Variants in ADAM15 observed in about 807,000 individuals in gnomAD.
ADAM15 encodes the protein ADAM metallopeptidase domain 15.
Under a neutral mutation model 113.8 loss-of-function variants are expected in ADAM15, and 77 were observed. That is an observed-to-expected ratio of 0.68 (90% CI 0.56 to 0.82). ADAM15 has a LOEUF of 0.82. ADAM15 is among the 40% of genes least tolerant of loss of function. The pLI is 0.00. For missense variants in ADAM15, 963 were observed against 1,120.1 expected, an observed-to-expected ratio of 0.86 and a Z score of 2.00; for synonymous variants, 388 against 454.1, an observed-to-expected ratio of 0.85 and a Z score of 1.85.
Position 155,058,777 on chromosome 1 carries a change from A to T in ADAM15, c.1985A>T (p.His662Leu), listed in dbSNP as rs1662137608. Reference protein sequence around the residue: ...LGAQECRSKCHGHGVCDSNRH... With the variant: ...LGAQECRSKCLGHGVCDSNRH... ...GCACAGGAATGTCGAAGCAAATGCC[A>T]TGGACATGGGGTGAGCTGGGATGGG... is the stretch of plus-strand genomic sequence containing the variant. The change falls in exon 16 of 23, where the codon CAT (histidine) becomes CTT (leucine). Residue 662 changes from histidine to leucine, a missense_variant. Physicochemically the swap from His to Leu is moderately conservative, Grantham distance 99 (BLOSUM62 -3). Transcript: ENST00000356955. This position sits in a 1 kb window ranked among gnomAD's most constrained non-coding sequence, Gnocchi z 4.3. 6.2e-7 allele frequency: 1 copy of T among 1,612,944 alleles called. No homozygotes were observed. Among genetic ancestry groups the T allele is most frequent in the Non-Finnish European group, 8.5e-7 (1 of 1,179,498 alleles).
rs752464548 is a variant in ADAM15 at position 155,052,715 on chromosome 1, G to A, written c.124G>A (p.Glu42Lys). 1.9e-6 allele frequency: 3 copies of A among 1,612,158 alleles called. No homozygotes were observed. The highest frequency in any genetic ancestry group is 4.5e-5 in the East Asian group (2 of 44,868). The stretch of plus-strand genomic sequence containing the variant: ...GGCAGAGTCAGAGAAGGCCCCGAGG[G>A]AGCCCTTGGAGCCCCAGGTCCTTCA... The part of the protein sequence containing the change: ...QQAESEKAPR[E>K]PLEPQVLQDD... The change falls in exon 2 of 23, where the codon GAG becomes AAG. Residue 42 changes from glutamate to lysine, a missense_variant. Transcript: ENST00000356955.
intron 19 of ADAM15, chr1:155,061,046 A>C: frequency 5.0e-6 from 3 of 596,280 alleles, no homozygotes; most frequent in Non-Finnish European, 8.9e-6. Flanking sequence ...CAGCTGGAGC[A>C]GGAGCTGCTG....
chr1:155,060,741 T>G, intron 18 of ADAM15, 22 bp from the exon 19 acceptor site: 1 of 1,612,300 alleles, frequency 6.2e-7, no homozygotes, highest in South Asian at 1.1e-5. Context: ...CCCTCTCCCT[T>G]CTTGCCTTTC....
chr1:155,057,288 C>T lies in ADAM15; in HGVS notation c.1249C>T (p.Leu417=), dbSNP rs1298940371. Residue 417 remains leucine, a synonymous_variant, in exon 12 of 23, where the codon CTA becomes TTA. Transcript: ENST00000356955. The surrounding 1 kb of genome is among the most constrained non-coding windows in gnomAD (Gnocchi z 5.0). ...GSCLFERLPS[L]PPMAAFCGNM... ...CTGCCTCTTCGAACGGCTGCCTAGCCTACCCCCTATGGCTGCTTTCTGCGG... is the reference window on the plus strand; with the variant it reads ...CTGCCTCTTCGAACGGCTGCCTAGCTTACCCCCTATGGCTGCTTTCTGCGG... 3 of 1,614,114 alleles carry T rather than the reference C, an allele frequency of 1.9e-6. No individual in the cohort carries two copies. Among genetic ancestry groups the T allele is most frequent in the Non-Finnish European group, 2.5e-6 (3 of 1,180,040 alleles).
chr1:155,054,449 A>G lies in ADAM15; in HGVS notation c.555A>G (p.Glu185=). 1.2e-6 allele frequency: 2 copies of G among 1,612,568 alleles called. No individual in the cohort carries two copies. The highest frequency in any genetic ancestry group is 1.7e-6 in the Non-Finnish European group (2 of 1,179,312). Residue 185 remains glutamate (E), a synonymous_variant, in exon 6 of 23, where the codon GAA becomes GAG. Transcript: ENST00000356955. ...PGHTCALSWR[E]SVHTQKPPEH... ...ACACCTGTGCCCTGAGCTGGCGGGA[A>G]TCTGTACACACTCAGAAGCCACCAG... is the stretch of plus-strand genomic sequence containing the variant.
In ADAM15 at chr1:155,051,436, C is replaced by G; in HGVS notation, c.50C>G (p.Pro17Arg). 6.4e-7 allele frequency: 1 copy of G among 1,567,780 alleles called. No individual in the cohort carries two copies. The highest frequency in any genetic ancestry group is 1.2e-5 in the South Asian group (1 of 85,624). Residue 17 changes from proline to arginine, a missense_variant, in exon 1 of 23, where the codon CCT becomes CGT. Transcript: ENST00000356955. ...WALGLLGAGS[P>R]LPSWPLPNIG... ...CTGGGGCTCCTGGGCGCGGGCAGCC[C>G]TCTGCCTTCCTGGCCGCTCCCAAAT...
rs1662060741 is a variant in ADAM15, at chr1:155,058,214, C to CTAA, written c.1722-31_1722-29dup. Reference sequence around the variant, plus strand: ...TCTGAGAGCCTTGGCCCTGCTCCTACTAACTCTGTGTGCCCTTCCCCCTCC... The same window carrying CTAA: ...TCTGAGAGCCTTGGCCCTGCTCCTACTAATAACTCTGTGTGCCCTTCCCCCTCC... On this transcript the variant is annotated intron_variant, in intron 14 of 22. Transcript: ENST00000356955. The surrounding 1 kb of genome is among the most constrained non-coding windows in gnomAD (Gnocchi z 4.3). The CTAA allele has an allele frequency of 6.2e-7, 1 of 1,613,700 alleles. No homozygotes were observed. The highest frequency in any genetic ancestry group is 1.3e-5 in the African/African-American group (1 of 75,056).
rs778991854 is a variant in ADAM15 at position 155,058,830 on chromosome 1, T to C, written c.1995+43T>C. On this transcript the variant is annotated intron_variant, in intron 16 of 22. Coordinates refer to ENST00000356955, the MANE Select transcript of ADAM15 (RefSeq NM_207197.3). The surrounding 1 kb of genome is among the most constrained non-coding windows in gnomAD (Gnocchi z 4.3). ...AAGTGGAAGGGGAGCAGAGAGCCTC[T>C]AGAGAGGAAAAGGATACTGGGCTTT... 13 of 1,575,142 alleles carry C rather than the reference T, an allele frequency of 8.3e-6. No individual in the cohort carries two copies. Among genetic ancestry groups the C allele is most frequent in the Non-Finnish European group, 1.1e-5 (13 of 1,160,628 alleles).
Position 155,056,204 on chromosome 1 carries a change from C to T in ADAM15, c.869C>T (p.Ala290Val). The change falls in exon 9 of 23, where the codon GCA becomes GTA. Residue 290 changes from alanine (A) to valine (V), a missense_variant. Physicochemically the swap from Ala to Val is moderately conservative, Grantham distance 64 (BLOSUM62 0). Coordinates refer to ENST00000356955, the MANE Select transcript of ADAM15 (RefSeq NM_207197.3). This position sits in a 1 kb window ranked among gnomAD's most constrained non-coding sequence, Gnocchi z 4.0. ...TLENFLHWRR[A>V]HLLPRLPHDS... ...GAAAACTTCCTCCACTGGCGCAGGG[C>T]ACATTTGCTGCCTCGATTGCCCCAT... 2 of 1,614,056 alleles carry T rather than the reference C, an allele frequency of 1.2e-6. No homozygotes were observed. The highest frequency in any genetic ancestry group is 1.7e-6 in the Non-Finnish European group (2 of 1,180,036).
chr1:155,062,064 T>C lies in ADAM15; in HGVS notation c.2424+89T>C. 6.8e-7 allele frequency: 1 copy of C among 1,479,356 alleles called. No homozygotes were observed. Among genetic ancestry groups the C allele is most frequent in the East Asian group, 2.4e-5 (1 of 41,934 alleles). 91.6% of individuals were successfully genotyped at this position (1,479,356 alleles called of 1,614,324 possible). Reference sequence around the variant, plus strand: ...CATGACGGTGGTGGCCGTGGCGAGATGCCCCCTCAGTGCATGAGGGCACAT... The same window carrying C: ...CATGACGGTGGTGGCCGTGGCGAGACGCCCCCTCAGTGCATGAGGGCACAT... On this transcript the variant is annotated intron_variant, in intron 21 of 22. Transcript: ENST00000356955. This position sits in a 1 kb window ranked among gnomAD's most constrained non-coding sequence, Gnocchi z 7.0.
At chr1:155,055,572 C>T (rs984633247) in intron 6 of ADAM15, 3 of 584,202 alleles carry the variant, frequency 5.1e-6, no homozygotes, top group Middle Eastern at 4.6e-4. Flanking sequence ...GAGTTTGGAG[C>T]CAGAAAAGCA....
intron 2 of ADAM15, 49 bp downstream of exon 2, chr1:155,052,826 G>A (rs201657685): frequency 7.7e-6 from 12 of 1,548,840 alleles, no homozygotes; most frequent in African/African-American, 4.1e-5. Flanking sequence ...CACACGCCCC[G>A]GTATAGCCAG....
rs373253326 is a variant in ADAM15, at chr1:155,057,124, G to C, written c.1148+23G>C. ...AGAGTAAGTAGCTGCAGGATGGAGA[G>C]AGGGTGTGGGGCAGGGGGCAGGGAG... On this transcript the variant is annotated intron_variant, in intron 11 of 22. Transcript: ENST00000356955. This position sits in a 1 kb window ranked among gnomAD's most constrained non-coding sequence, Gnocchi z 5.0. 90 of 1,572,340 alleles carry C rather than the reference G, an allele frequency of 5.7e-5. No individual in the cohort carries two copies. Among genetic ancestry groups the C allele is most frequent in the Non-Finnish European group, 7.5e-5 (87 of 1,157,288 alleles).
rs751164898 is a variant in ADAM15 at position 155,060,765 on chromosome 1, C to G, written c.2210C>G (p.Ala737Gly). 6.2e-7 allele frequency: 1 copy of G among 1,613,706 alleles called. No homozygotes were observed. The highest frequency in any genetic ancestry group is 8.5e-7 in the Non-Finnish European group (1 of 1,179,980). Reference protein sequence around the residue: ...QLKGPTCQYRAAQSGPSERPG... With the variant: ...QLKGPTCQYRGAQSGPSERPG... ...TTCTTGCCTTTCCTCATGCATAGGG[C>G]AGCCCAATCTGGTCCCTCTGAACGG... Residue 737 changes from alanine (A) to glycine (G), a missense_variant and splice_region_variant, in exon 19 of 23, where the codon GCA (alanine) becomes GGA (glycine). Transcript: ENST00000356955.
At position 155,057,146 on chromosome 1, in the gene ADAM15, G is replaced by A; in HGVS notation, c.1149-42G>A. The A allele has an allele frequency of 1.3e-6, 2 of 1,593,432 alleles. No homozygotes were observed. Among genetic ancestry groups the A allele is most frequent in the Non-Finnish European group, 1.7e-6 (2 of 1,167,186 alleles). On this transcript the variant is annotated intron_variant, in intron 11 of 22. Coordinates refer to ENST00000356955, the MANE Select transcript of ADAM15 (RefSeq NM_207197.3). The surrounding 1 kb of genome is among the most constrained non-coding windows in gnomAD (Gnocchi z 5.0). ...AGAGAGGGTGTGGGGCAGGGGGCAG[G>A]GAGAGGCCCCCAGCCCCAACCTTCC...
chr1:155,062,573 C>T lies in ADAM15; in HGVS notation c.*71C>T. The T allele has an allele frequency of 9.5e-6, 15 of 1,571,488 alleles. No homozygotes were observed. Among genetic ancestry groups the T allele is most frequent in the Non-Finnish European group, 1.3e-5 (15 of 1,155,856 alleles). On this transcript the variant is annotated 3_prime_UTR_variant, in exon 23 of 23. Transcript: ENST00000356955. This position sits in a 1 kb window ranked among gnomAD's most constrained non-coding sequence, Gnocchi z 7.0. ...AGAGGCGGGCGTGCCCTCTGGAGTC[C>T]CCTACCATGACTGAAGGCGCCAGAG...
At chr1:155,053,296 G>A in intron 2 of ADAM15, 121 bp from the exon 3 acceptor site, 1 of 899,440 alleles carries the variant, frequency 1.1e-6, no homozygotes, top group Non-Finnish European at 1.8e-6. Context: ...CCCCTCCCCT[G>A]GGATCCCCCC....
Position 155,051,378 on chromosome 1 carries a change from G to T in ADAM15, c.-9G>T, listed in dbSNP as rs1660983176. ...TTGCTGCCCTCGCCCGGCCCGGAGC[G>T]CCGCTGCCATGCGGCTGGCGCTGCT... On this transcript the variant is annotated 5_prime_UTR_variant, in exon 1 of 23. Transcript: ENST00000356955. The T allele has an allele frequency of 6.7e-7, 1 of 1,501,802 alleles. No homozygotes were observed. The highest frequency in any genetic ancestry group is 1.5e-5 in the African/African-American group (1 of 68,454). 93.0% of individuals were successfully genotyped at this position (1,501,802 alleles called of 1,614,324 possible).
chr1:155,053,678 A>G (rs954728703), intron 3 of ADAM15, among the ~76,000 whole-genome samples, 185 bp downstream of exon 3: 5 of 152,234 alleles, frequency 3.3e-5, no homozygotes, highest in African/African-American at 1.2e-4. Context: ...AGATTAAATA[A>G]CTTGCCCCAG....
Sources: allele counts gnomAD v4.1 joint callset (sites outside exome capture counted in the v4.1 genomes callset), GRCh38; gene constraint gnomAD v4.1.1; non-coding constraint Gnocchi (gnomAD v3.1); transcripts MANE v1.5; gene names NCBI Gene and HGNC (gene_info 2026-07-23, HGNC 2026-07-21).